NF1: variants seen among roughly 807,000 people sequenced by gnomAD.
The protein encoded by NF1 is neurofibromin.
Under a neutral mutation model 325.7 loss-of-function variants are expected in NF1, and 122 were observed. The ratio of observed to expected loss-of-function variants is 0.37; its 90% CI spans 0.32 to 0.44. The LOEUF (loss-of-function observed/expected upper bound fraction) is 0.44, where lower values mean the gene tolerates loss of function less well. Ranked by LOEUF, NF1 falls within the 20% of genes least tolerant of loss-of-function variation. The pLI is 1.00. For synonymous variants in NF1, 1,091 were observed against 1,186.0 expected, an observed-to-expected ratio of 0.92 and a Z score of 1.65; for missense variants, 2,140 against 3,415.4, an observed-to-expected ratio of 0.63 and a Z score of 9.31.
chr17:31,295,473 C>T (rs773799327), intron 36 of NF1: 1 of 1,614,078 alleles, frequency 6.2e-7, no homozygotes, highest in Non-Finnish European at 8.5e-7. Flanking sequence ...TTAATGGTGT[C>T]CACTGTCTGC....
intron 36 of NF1, among the ~76,000 whole-genome samples, chr17:31,312,927 TTATTC>T (rs2068916671): frequency 6.6e-6 from 1 of 152,180 alleles, no homozygotes; most frequent in Non-Finnish European, 1.5e-5. Context: ...TTTCTATTGT[TTATTC>T]TATAGGTTTC....
chr17:31,304,363 T>A, intron 36 of NF1: 2 of 1,614,156 alleles, frequency 1.2e-6, no homozygotes, highest in Non-Finnish European at 1.7e-6. Context: ...AAGGTTGGAA[T>A]CTTCTTGGTT....
At chr17:31,172,667 T>G (rs1284018675) in intron 5 of NF1, among the ~76,000 whole-genome samples, 3 of 152,118 alleles carry the variant, frequency 2.0e-5, no homozygotes, top group African/African-American at 7.2e-5. Context: ...CTAGTAATTG[T>G]TCAGTAAAGA....
chr17:31,200,669 A>C, intron 9 of NF1, 74 bp downstream of exon 9: 1 of 1,503,274 alleles, frequency 6.7e-7, no homozygotes, highest in South Asian at 1.1e-5. Flanking sequence ...GTATTATGTC[A>C]AAGATAATTG....
intron 16 of NF1, 38 bp downstream of exon 16, chr17:31,223,605 T>G: frequency 6.3e-7 from 1 of 1,591,940 alleles, no homozygotes; most frequent in Non-Finnish European, 8.6e-7. Context: ...GGAAGAATAT[T>G]TGGAATGGTA....
At chr17:31,295,313 G>A in intron 36 of NF1, 1 of 1,614,140 alleles carries the variant, frequency 6.2e-7, no homozygotes, top group Non-Finnish European at 8.5e-7. Context: ...GATAGTCTCT[G>A]TGGATGTATC....
chr17:31,363,432 C>A (rs1049420662), intron 57 of NF1, among the ~76,000 whole-genome samples: 4 of 139,486 alleles, frequency 2.9e-5, no homozygotes, highest in Non-Finnish European at 1.5e-5. Context: ...ATCCTTATCT[C>A]TCTCTTTTTT....
Position 31,189,770 on chromosome 17 carries a change from T to C in NF1, c.888+7105T>C, listed in dbSNP as rs76192299. Among the ~76,000 whole-genome samples the C allele has an allele frequency of 3.8e-3, 574 of 150,328 alleles. 21 individuals are homozygous for C. In the East Asian group the frequency reaches 0.088, roughly 23 times the overall value. On this transcript the variant is annotated intron_variant, in intron 8 of 57. Transcript: ENST00000358273. The stretch of plus-strand genomic sequence containing the variant: ...TAAAAAGAAAAGTATTTTTTTTTTT[T>C]TTTTTTTTGAGACGGTGTTTCACTC...
intron 57 of NF1, among the ~76,000 whole-genome samples, chr17:31,371,625 A>G (rs953716552): frequency 1.1e-4 from 16 of 152,232 alleles, no homozygotes; most frequent in African/African-American, 3.4e-4. Flanking sequence ...TCATCTTTCT[A>G]TGCATATGAT....
chr17:31,298,907 A>G (rs1434560666), intron 36 of NF1, among the ~76,000 whole-genome samples: 1 of 152,130 alleles, frequency 6.6e-6, no homozygotes, highest in Non-Finnish European at 1.5e-5. Flanking sequence ...AAGTCAGTGT[A>G]GAAGTAGAGT....
At chr17:31,155,326 G>A (rs2065639680) in intron 1 of NF1, among the ~76,000 whole-genome samples, 1 of 151,744 alleles carries the variant, frequency 6.6e-6, no homozygotes. Flanking sequence ...AAATGTAAAT[G>A]TGGTCTTCTC....
In NF1 at chr17:31,232,775, G is replaced by A. The variant is rs999720392; in HGVS notation, c.3390G>A (p.Arg1130=). The stretch of plus-strand genomic sequence containing the variant: ...ATGAAAGTGCGCAAACAGGTGGCAG[G>A]AAACGTGGCATGTCTCGGAGGCTGG... ...VEDESAQTGG[R]KRGMSRRLAS... The change falls in exon 26 of 58, where the codon AGG becomes AGA. Residue 1130 remains arginine, a synonymous_variant. Transcript: ENST00000358273. The A allele has an allele frequency of 1.2e-6, 2 of 1,613,942 alleles. No individual in the cohort carries two copies. The highest frequency in any genetic ancestry group is 2.7e-5 in the African/African-American group (2 of 74,970).
chr17:31,308,986 G>A (rs1043728838), intron 36 of NF1, among the ~76,000 whole-genome samples: 2 of 152,206 alleles, frequency 1.3e-5, no homozygotes, highest in Non-Finnish European at 2.9e-5. Context: ...AGCATATTAT[G>A]TGTTGTACTA....
intron 1 of NF1, chr17:31,128,618 T>C (rs1915085412): frequency 6.6e-6 from 1 of 152,068 alleles, no homozygotes; most frequent in Non-Finnish European, 1.5e-5. Flanking sequence ...TGGGTTGGAA[T>C]TTCTTATCTT....
At chr17:31,326,729 G>A (rs986921950) in intron 37 of NF1, among the ~76,000 whole-genome samples, 1 of 152,144 alleles carries the variant, frequency 6.6e-6, no homozygotes, top group African/African-American at 2.4e-5. Context: ...GATATGAGAC[G>A]TATACATTTT....
intron 29 of NF1, among the ~76,000 whole-genome samples, chr17:31,236,759 A>G (rs2067211509): frequency 6.6e-6 from 1 of 152,036 alleles, no homozygotes; most frequent in African/African-American, 2.4e-5. Context: ...CCCAGAGTGC[A>G]GTTTAAACCA....
intron 16 of NF1, among the ~76,000 whole-genome samples, chr17:31,224,100 A>G (rs1441372506): frequency 6.6e-6 from 1 of 152,116 alleles, no homozygotes; most frequent in Non-Finnish European, 1.5e-5. Flanking sequence ...CAAAAGGGAA[A>G]CAGTTGAGGG....
chr17:31,190,203 G>C (rs1380143199), intron 8 of NF1, among the ~76,000 whole-genome samples: 3 of 151,516 alleles, frequency 2.0e-5, no homozygotes, highest in African/African-American at 7.3e-5. Flanking sequence ...GTTGCCATGA[G>C]CTGAGATCAT....
intron 15 of NF1, chr17:31,222,572 A>C (rs1474658833): frequency 9.8e-7 from 1 of 1,016,750 alleles, no homozygotes; most frequent in Non-Finnish European, 1.2e-6. Context: ...GTCCACTAGT[A>C]ATATAATGAG....
Sources: gnomAD v4.1 joint callset for allele counts (sites outside exome capture counted in the v4.1 genomes callset) on GRCh38, gnomAD v4.1.1 for gene constraint, MANE v1.5 for transcripts, NCBI Gene and HGNC (gene_info 2026-07-23, HGNC 2026-07-21) for gene names.